Variants in ODAD4 observed in about 807,000 individuals in gnomAD.
The protein encoded by ODAD4 is outer dynein arm docking complex subunit 4, also known as outer dynein arm-docking complex subunit 4.
In ODAD4, 49 loss-of-function variants were observed where a neutral mutation model predicts 51.8. The ratio of observed to expected loss-of-function variants is 0.95; its 90% confidence interval spans 0.75 to 1.20. The LOEUF is 1.20. Among genes scored for constraint, ODAD4 ranks in the 50% most tolerant of loss-of-function variants. The pLI is 0.00. For missense variants in ODAD4, 590 were observed against 586.5 expected, an observed-to-expected ratio of 1.01 and a Z score of -0.06; for synonymous variants, 235 against 221.3, an observed-to-expected ratio of 1.06 and a Z score of -0.55.
rs2050884865 is a variant in ODAD4 at position 41,966,202 on chromosome 17, C to G, written c.*719C>G. On this transcript the variant is annotated 3_prime_UTR_variant, in exon 12 of 12. Transcript: ENST00000377540. ...CACAGAGGAGGTGGCAGCTGAGGAT[C>G]TGGCCTCAGAGGATGTTAGGATTTC... Among the ~76,000 whole-genome samples the G allele has an allele frequency of 6.6e-6, 1 of 152,146 alleles. No homozygotes were observed. Among genetic ancestry groups the G allele is most frequent in the African/African-American group, 2.4e-5 (1 of 41,420 alleles).
intron 10 of ODAD4, among the ~76,000 whole-genome samples, chr17:41,961,038 G>C (rs1317274094): frequency 6.6e-6 from 1 of 152,182 alleles, no homozygotes; most frequent in Non-Finnish European, 1.5e-5. Context: ...AGTGCTTGCA[G>C]GTTTGGATTG....
chr17:41,945,704 G>C (rs1338480972), intron 8 of ODAD4, among the ~76,000 whole-genome samples: 6 of 152,134 alleles, frequency 3.9e-5, no homozygotes, highest in African/African-American at 1.4e-4. Context: ...TTCGAGACCA[G>C]CCTGGCCAAC....
intron 9 of ODAD4, among the ~76,000 whole-genome samples, chr17:41,953,908 C>T (rs113291799): frequency 1.3e-5 from 2 of 151,856 alleles, no homozygotes; most frequent in South Asian, 2.1e-4. Context: ...TCAAGTGATC[C>T]GCCTGCCTTA....
chr17:41,942,792 G>A (rs1156627791), intron 7 of ODAD4, among the ~76,000 whole-genome samples: 1 of 152,184 alleles, frequency 6.6e-6, no homozygotes, highest in Non-Finnish European at 1.5e-5. Context: ...GGGAGGTCTG[G>A]ATGCCATGCC....
intron 10 of ODAD4, 88 bp downstream of exon 10, chr17:41,955,405 C>T (rs2050717389): frequency 4.5e-6 from 3 of 667,776 alleles, no homozygotes; most frequent in Non-Finnish European, 8.2e-6. Context: ...GCTTGGGCGC[C>T]ATTCCACAGC....
rs981626620 is a variant in ODAD4, at chr17:41,949,172, C to T, written c.1165C>T (p.Leu389=). Residue 389 remains leucine, a synonymous_variant, in exon 9 of 12, where the codon CTG becomes TTG. Transcript: ENST00000377540. ...AIDTWEEKIP[L]AKTTLEKTWL... is the part of the protein sequence containing the mutation. ...CCCCAGGTGGGAAGAAAAGATCCCTCTGGCAAAAACCACCCTGGAGAAGAC... is the reference window on the plus strand; with the variant it reads ...CCCCAGGTGGGAAGAAAAGATCCCTTTGGCAAAAACCACCCTGGAGAAGAC... 2.5e-6 allele frequency: 1 copy of T among 398,474 alleles called. No individual in the cohort carries two copies. Among genetic ancestry groups the T allele is most frequent in the Non-Finnish European group, 4.4e-6 (1 of 226,098 alleles). 24.7% of individuals were successfully genotyped at this position (398,474 alleles called of 1,614,324 possible).
chr17:41,933,610 C>T (rs2050380462), intron 1 of ODAD4, among the ~76,000 whole-genome samples: 1 of 152,144 alleles, frequency 6.6e-6, no homozygotes, highest in Admixed American at 6.5e-5. Context: ...CGAGATCGTG[C>T]CATTGCACTC....
intron 7 of ODAD4, among the ~76,000 whole-genome samples, chr17:41,944,391 TACACACACAC>T (rs1158342629): frequency 1.7e-4 from 13 of 78,760 alleles, no homozygotes; most frequent in African/African-American, 6.6e-4. Flanking sequence ...CAAACACACA[TACACACACAC>T]ACACACACAC....
At position 41,936,875 on chromosome 17, in the gene ODAD4, G is replaced by A. The variant is rs555250097; in HGVS notation, c.573G>A (p.Leu191=). 6.2e-7 allele frequency: 1 copy of A among 1,613,968 alleles called. No individual in the cohort carries two copies. Among genetic ancestry groups the A allele is most frequent in the Non-Finnish European group, 8.5e-7 (1 of 1,179,878 alleles). ...LKSEKTVRQL[L]GELYVDKEYL... ...GTGAGAAGACTGTCCGCCAGCTTCTGGGGGAGCTCTACGTGGACAAAGAGT... is the reference window on the plus strand; with the variant it reads ...GTGAGAAGACTGTCCGCCAGCTTCTAGGGGAGCTCTACGTGGACAAAGAGT... The change falls in exon 5 of 12, where the codon CTG becomes CTA. Residue 191 remains leucine (L), a synonymous_variant. Transcript: ENST00000377540.
intron 10 of ODAD4, among the ~76,000 whole-genome samples, chr17:41,959,418 C>T (rs986737747): frequency 4.6e-5 from 7 of 152,162 alleles, no homozygotes; most frequent in African/African-American, 1.7e-4. Flanking sequence ...TGAAAGAAGC[C>T]AGATTGCATA....
chr17:41,959,043 A>G (rs1227613845), intron 10 of ODAD4, among the ~76,000 whole-genome samples: 2 of 151,746 alleles, frequency 1.3e-5, no homozygotes, highest in African/African-American at 2.4e-5. Context: ...CATGTGGCCT[A>G]TGGGTGCTAC....
rs1282068441 is a variant in ODAD4, at chr17:41,966,464, A to G, written c.*981A>G. On this transcript the variant is annotated 3_prime_UTR_variant, in exon 12 of 12. Coordinates refer to ENST00000377540, the MANE Select transcript of ODAD4 (RefSeq NM_031421.5). ...ATTAATGCAAAAGTCCATGATGAAT[A>G]AAATATCAAAAATTAAAGACAGGAT... 6.6e-5 allele frequency among the ~76,000 whole-genome samples: 10 copies of G among 152,258 alleles called. No homozygotes were observed. The highest frequency in any genetic ancestry group is 2.2e-4 in the African/African-American group (9 of 41,472).
chr17:41,959,023 A>C (rs2050770421), intron 10 of ODAD4, among the ~76,000 whole-genome samples: 1 of 152,168 alleles, frequency 6.6e-6, no homozygotes, highest in African/African-American at 2.4e-5. Flanking sequence ...CAAAAAAAAA[A>C]AAAAAGCTAC....
chr17:41,931,722 A>G (rs2050342172), intron 1 of ODAD4, among the ~76,000 whole-genome samples: 1 of 151,652 alleles, frequency 6.6e-6, no homozygotes, highest in African/African-American at 2.4e-5. Context: ...TTGTATTCTT[A>G]GTAGAGACAG....
At chr17:41,951,776 C>T (rs771130767) in intron 9 of ODAD4, among the ~76,000 whole-genome samples, 10 of 143,722 alleles carry the variant, frequency 7.0e-5, no homozygotes, top group Non-Finnish European at 1.0e-4. Flanking sequence ...CCCAACTACT[C>T]GGGAGGCTGA....
Position 41,941,729 on chromosome 17 carries a change from C to G in ODAD4, c.1058+2557C>G, listed in dbSNP as rs1240475116. Among the ~76,000 whole-genome samples the G allele has an allele frequency of 4.8e-5, 7 of 146,382 alleles. No homozygotes were observed. In the South Asian group the frequency reaches 1.3e-3, roughly 27 times the overall value. On this transcript the variant is annotated intron_variant, in intron 7 of 11. Transcript: ENST00000377540. ...CCAGGAGGCGGAGCTTGCAGTGAGCCGAGATAGTGACTGGGCGACAGAGCG... is the reference window on the plus strand; with the variant it reads ...CCAGGAGGCGGAGCTTGCAGTGAGCGGAGATAGTGACTGGGCGACAGAGCG...
intron 11 of ODAD4, among the ~76,000 whole-genome samples, chr17:41,963,012 C>T (rs1397136817): frequency 6.6e-6 from 1 of 152,238 alleles, no homozygotes; most frequent in Non-Finnish European, 1.5e-5. Context: ...CCCACATGCC[C>T]TTTGAGCTGC....
At chr17:41,940,420 T>A (rs1342779970) in intron 7 of ODAD4, among the ~76,000 whole-genome samples, 11 of 152,108 alleles carry the variant, frequency 7.2e-5, no homozygotes, top group African/African-American at 2.7e-4. Context: ...TCCCTTGGGG[T>A]CAAACGTTCC....
At chr17:41,950,159 G>A (rs1188827347) in intron 9 of ODAD4, among the ~76,000 whole-genome samples, 24 of 149,168 alleles carry the variant, frequency 1.6e-4, no homozygotes, top group African/African-American at 4.2e-4. Flanking sequence ...TAGTAGAGAC[G>A]GGGTTTCACC....
Sources: allele counts gnomAD v4.1 joint callset (sites outside exome capture counted in the v4.1 genomes callset), GRCh38; gene constraint gnomAD v4.1.1; transcripts MANE v1.5; gene names NCBI Gene and HGNC (gene_info 2026-07-23, HGNC 2026-07-21).